The following GML variants were observed in gnomAD, a reference collection of about 807,000 sequenced individuals.
The protein encoded by GML is glycosyl-phosphatidylinositol-anchored molecule-like protein.
GML carries 5 observed loss-of-function variants against 8.2 expected under a neutral mutation model. The ratio of observed to expected loss-of-function variants is 0.61; its 90% CI spans 0.32 to 1.28. GML has a LOEUF of 1.28. Ranked by LOEUF, GML falls within the 50% of genes most tolerant of loss-of-function variation. The probability of loss-of-function intolerance (pLI) is 0.06; values close to 1 mark genes in which losing one functional copy is unlikely to be tolerated. For missense variants in GML, 191 were observed against 198.3 expected, an observed-to-expected ratio of 0.96 and a Z score of 0.22; for synonymous variants, 72 against 69.0, an observed-to-expected ratio of 1.04 and a Z score of -0.22.
At chr8:142,842,253 G>A (rs1010804856) in intron 3 of GML, among the ~76,000 whole-genome samples, 11 of 152,180 alleles carry the variant, frequency 7.2e-5, no homozygotes, top group Non-Finnish European at 1.2e-4. Flanking sequence ...CCCCAGCCAC[G>A]CGGAACTGTG....
intron 1 of GML, among the ~76,000 whole-genome samples, chr8:142,838,361 T>C (rs1212102107): frequency 1.3e-5 from 2 of 152,194 alleles, no homozygotes; most frequent in Non-Finnish European, 2.9e-5. Flanking sequence ...ATCACTTCTG[T>C]GCCTCTGGTT....
intron 3 of GML, among the ~76,000 whole-genome samples, chr8:142,844,339 AC>A (rs1816476686): frequency 6.6e-6 from 1 of 151,902 alleles, no homozygotes; most frequent in African/African-American, 2.4e-5. Context: ...TAAATATTAA[AC>A]CAATAAAGTT....
chr8:142,840,677 A>AG (rs1433733256), intron 2 of GML, among the ~76,000 whole-genome samples, 167 bp downstream of exon 2: 1 of 152,140 alleles, frequency 6.6e-6, no homozygotes, highest in African/African-American at 2.4e-5. Context: ...AGTAGTCATG[A>AG]GCAAGGAGAG....
rs1816324217 is a variant in GML, at chr8:142,835,363, G to T, written c.-23+495G>T. Among the ~76,000 whole-genome samples, 2 of 152,140 alleles carry T rather than the reference G, an allele frequency of 1.3e-5. 1 individual carries two copies. Among genetic ancestry groups the T allele is most frequent in the Admixed American group, 1.3e-4 (2 of 15,282 alleles). On this transcript the variant is annotated intron_variant, in intron 1 of 3. Transcript: ENST00000220940. ...TCAGTTCTTGAGTCCCCTTCCCTCG[G>T]GGTGTCCCGGGGCCGCCCACCCCCA...
chr8:142,844,971 A>G (rs1816485285), intron 3 of GML, among the ~76,000 whole-genome samples: 1 of 152,260 alleles, frequency 6.6e-6, no homozygotes, highest in African/African-American at 2.4e-5. Context: ...CCTTAAGGCA[A>G]ATACAAGACA....
chr8:142,845,795 G>A (rs1378531425), intron 3 of GML, among the ~76,000 whole-genome samples: 6 of 152,160 alleles, frequency 3.9e-5, no homozygotes, highest in Admixed American at 6.5e-5. Flanking sequence ...CTTGTCCATC[G>A]GATAACACGT....
At chr8:142,836,397 C>A (rs901443028) in intron 1 of GML, among the ~76,000 whole-genome samples, 3 of 151,988 alleles carry the variant, frequency 2.0e-5, no homozygotes, top group East Asian at 1.9e-4. Context: ...TACTATAGTC[C>A]CTTATTTCTG....
chr8:142,837,524 C>T (rs1816361506), intron 1 of GML, among the ~76,000 whole-genome samples: 1 of 151,248 alleles, frequency 6.6e-6, no homozygotes, highest in Non-Finnish European at 1.5e-5. Flanking sequence ...AGCAGTCAGG[C>T]CTCAGAGAAG....
Position 142,846,401 on chromosome 8 carries a change from A to G in GML, c.188A>G (p.Asn63Ser), listed in dbSNP as rs1473153977. Residue 63 changes from asparagine to serine, a missense_variant, in exon 4 of 4, where the codon AAT (asparagine) becomes AGT (serine). By Grantham distance (46) the Asn-to-Ser change is conservative. Transcript: ENST00000220940. ...RRCMTISIRI[N>S]SRELLVYKNC... ...TTGCTGCTTCTTTTTTTAGGCATAA[A>G]TTCTCGTGAACTACTTGTTTATAAG... 1 of 1,583,350 alleles carries G rather than the reference A, an allele frequency of 6.3e-7. No homozygotes were observed. The highest frequency in any genetic ancestry group is 1.8e-5 in the Admixed American group (1 of 55,952).
chr8:142,843,255 T>TACACACGCACAC (rs1400748738), intron 3 of GML, among the ~76,000 whole-genome samples: 2 of 140,000 alleles, frequency 1.4e-5, no homozygotes, highest in Non-Finnish European at 3.0e-5. Context: ...AAAAGGTTCA[T>TACACACGCACAC]ACACACACAC....
At chr8:142,843,299 C>CACACACACACACACACACA (rs1816463557) in intron 3 of GML, among the ~76,000 whole-genome samples, 5 of 147,406 alleles carry the variant, frequency 3.4e-5, no homozygotes, top group South Asian at 2.2e-4. Context: ...CACACACACA[C>CACACACACACACACACACA]CATAACCCCA....
intron 3 of GML, among the ~76,000 whole-genome samples, chr8:142,844,967 G>C (rs756606993): frequency 1.3e-5 from 2 of 152,142 alleles, no homozygotes; most frequent in Non-Finnish European, 2.9e-5. Flanking sequence ...CTCACCTTAA[G>C]GCAAATACAA....
chr8:142,840,285 A>G lies in GML; in HGVS notation c.-22-131A>G, dbSNP rs549417949. ...ACCCCAGTGCCTTACCCGAGGAGCT[A>G]CTGGCCCAGTGGGGGAGGCATTCAG... On this transcript the variant is annotated intron_variant, in intron 1 of 3. Transcript: ENST00000220940. 1.3e-5 allele frequency: 8 copies of G among 628,010 alleles called. No homozygotes were observed. In the East Asian group the frequency reaches 2.2e-4, roughly 17 times the overall value. The allele number at this position is 628,010 out of a possible 1,614,324, so 38.9% of individuals were successfully genotyped here.
chr8:142,843,024 G>A (rs992229389), intron 3 of GML, among the ~76,000 whole-genome samples: 1 of 152,140 alleles, frequency 6.6e-6, no homozygotes, highest in African/African-American at 2.4e-5. Flanking sequence ...AATGAACCCT[G>A]ATGGATATTA....
intron 2 of GML, 32 bp from the exon 3 acceptor site, chr8:142,841,086 A>AGAAGCCT (rs757282503): frequency 9.9e-7 from 1 of 1,014,896 alleles, no homozygotes. Flanking sequence ...GTAGTGGAGC[A>AGAAGCCT]GAAGCCTGAA....
At chr8:142,840,270 CT>C in intron 1 of GML, 145 bp from the exon 2 acceptor site, 1 of 611,646 alleles carries the variant, frequency 1.6e-6, no homozygotes, top group Non-Finnish European at 3.0e-6. Flanking sequence ...ACCCCAGTGC[CT>C]TACCCGAGGA....
intron 1 of GML, 28 bp from the exon 2 acceptor site, chr8:142,840,385 TAAC>T: frequency 7.3e-7 from 1 of 1,373,662 alleles, no homozygotes; most frequent in Non-Finnish European, 1.0e-6. Flanking sequence ...CATGGCTCAC[TAAC>T]GTGTTGTATG....
chr8:142,839,371 C>T (rs77513604), intron 1 of GML, among the ~76,000 whole-genome samples: 4 of 152,226 alleles, frequency 2.6e-5, no homozygotes, highest in Middle Eastern at 3.4e-3. Context: ...CGCCCACTGG[C>T]GCTGGACTTG....
At chr8:142,836,633 C>T (rs377406593) in intron 1 of GML, among the ~76,000 whole-genome samples, 16 of 152,236 alleles carry the variant, frequency 1.1e-4, no homozygotes, top group South Asian at 8.3e-4. Context: ...TCTTGCGTTG[C>T]GTACAAAATA....
Sources: allele counts gnomAD v4.1 joint callset (sites outside exome capture counted in the v4.1 genomes callset), GRCh38; gene constraint gnomAD v4.1.1; transcripts MANE v1.5; gene names NCBI Gene and HGNC (gene_info 2026-07-23, HGNC 2026-07-21).